The following MYRIP variants were observed in gnomAD, a reference collection of about 807,000 sequenced individuals.
The protein encoded by MYRIP is rab effector MyRIP.
A neutral mutation model predicts 98.0 loss-of-function variants in MYRIP; 49 were observed. The observed-to-expected ratio is 0.50, with a 90% confidence interval of 0.40 to 0.63. The LOEUF (loss-of-function observed/expected upper bound fraction) is 0.63, where lower values mean the gene tolerates loss of function less well. Among genes scored for constraint, MYRIP ranks in the 30% least tolerant of loss-of-function variants. MYRIP has a pLI of 0.00. For synonymous variants in MYRIP, 404 were observed against 409.5 expected (o/e 0.99, Z 0.16); for missense variants, 1,004 against 1,058.2 (o/e 0.95, Z 0.71).
rs1423361853 is a variant in MYRIP at position 40,258,674 on chromosome 3, T to C, written c.*508T>C. ...CTAAGGGAAAAGCAAGTCCCTGCAG[T>C]GAGCACTAGGGACAGTCTAATTTGG... On this transcript the variant is annotated 3_prime_UTR_variant, in exon 17 of 17. Coordinates refer to ENST00000302541, the MANE Select transcript of MYRIP (RefSeq NM_015460.4). The C allele has an allele frequency of 6.2e-6, 1 of 160,448 alleles. No individual in the cohort carries two copies. The highest frequency in any genetic ancestry group is 1.4e-5 in the Non-Finnish European group (1 of 72,114). 9.9% of individuals were successfully genotyped at this position (160,448 alleles called of 1,614,324 possible).
intron 11 of MYRIP, among the ~76,000 whole-genome samples, chr3:40,230,001 A>T (rs574260087): frequency 2.6e-5 from 4 of 152,266 alleles, no homozygotes; most frequent in East Asian, 1.9e-4. Context: ...TTTAATTTGT[A>T]TTTCTTTGCT....
intron 12 of MYRIP, among the ~76,000 whole-genome samples, chr3:40,243,651 A>G (rs1356901436): frequency 6.6e-6 from 1 of 152,160 alleles, no homozygotes; most frequent in Non-Finnish European, 1.5e-5. Flanking sequence ...TTGCTTCATC[A>G]CAGTATTGAT....
intron 2 of MYRIP, among the ~76,000 whole-genome samples, chr3:39,915,789 A>G (rs1575375506): frequency 6.6e-6 from 1 of 151,884 alleles, no homozygotes; most frequent in South Asian, 2.1e-4. Flanking sequence ...GAGACAGCCA[A>G]CCTTCCCAAG....
intron 3 of MYRIP, among the ~76,000 whole-genome samples, chr3:40,145,810 T>C (rs985831021): frequency 1.3e-5 from 2 of 152,174 alleles, no homozygotes; most frequent in African/African-American, 4.8e-5. Context: ...ACATAAAGCT[T>C]GCTGTGTCCA....
intron 2 of MYRIP, among the ~76,000 whole-genome samples, chr3:39,997,968 T>C (rs1203558807): frequency 6.6e-6 from 1 of 152,136 alleles, no homozygotes; most frequent in Non-Finnish European, 1.5e-5. Flanking sequence ...GAAAAGGCCT[T>C]CAACAAAATT....
At chr3:39,840,642 T>C (rs149109711) in intron 1 of MYRIP, among the ~76,000 whole-genome samples, 5,829 of 152,316 alleles carry the variant, frequency 0.038, 217 homozygotes, top group East Asian at 0.1. Context: ...CAGGAGCTCT[T>C]GTAAGGCAGG....
chr3:39,988,102 T>G (rs1459429966), intron 2 of MYRIP, among the ~76,000 whole-genome samples: 1 of 152,022 alleles, frequency 6.6e-6, no homozygotes, highest in Non-Finnish European at 1.5e-5. Flanking sequence ...TAGGTGGGAA[T>G]TGAACAATGA....
chr3:39,828,930 A>G (rs542427703), intron 1 of MYRIP, among the ~76,000 whole-genome samples: 12 of 152,306 alleles, frequency 7.9e-5, no homozygotes, highest in Middle Eastern at 3.4e-3. Flanking sequence ...TTGTGCTGCT[A>G]TGAACATGTG....
At chr3:39,809,521 C>T (rs1344053032), upstream of MYRIP, 1 of 148,636 alleles carries the variant, frequency 6.7e-6, no homozygotes, top group African/African-American at 2.4e-5. Flanking sequence ...CTGCACGCGC[C>T]CCCGCCCCGC....
intron 1 of MYRIP, among the ~76,000 whole-genome samples, chr3:39,827,947 A>G (rs4676450): frequency 0.23 from 35,107 of 151,768 alleles, 4,661 homozygotes; most frequent in Non-Finnish European, 0.3. Flanking sequence ...TTCTGTTGAG[A>G]AGTCTACTCT....
At chr3:40,197,204 C>T (rs1246189640) in intron 10 of MYRIP, among the ~76,000 whole-genome samples, 2 of 152,110 alleles carry the variant, frequency 1.3e-5, no homozygotes, top group Non-Finnish European at 2.9e-5. Context: ...GCACAAGTCT[C>T]GTCCCTCACA....
chr3:40,096,830 TAAC>T (rs1002172904), intron 3 of MYRIP, among the ~76,000 whole-genome samples: 24 of 152,166 alleles, frequency 1.6e-4, no homozygotes, highest in Non-Finnish European at 2.9e-4. Context: ...CCAGGCAAAA[TAAC>T]AACTGTAAGA....
At chr3:40,151,208 G>T (rs1482104358) in intron 4 of MYRIP, 24 bp downstream of exon 4, 1 of 1,580,278 alleles carries the variant, frequency 6.3e-7, no homozygotes, top group South Asian at 1.1e-5. Context: ...CTGCCGCTCT[G>T]GGAGTCTTTG....
At chr3:40,090,445 G>A (rs1948719757) in intron 3 of MYRIP, among the ~76,000 whole-genome samples, 1 of 152,190 alleles carries the variant, frequency 6.6e-6, no homozygotes, top group African/African-American at 2.4e-5. Context: ...TGACCATCTG[G>A]TGTGGGGTGT....
chr3:39,923,262 G>A (rs1944343905), intron 2 of MYRIP, among the ~76,000 whole-genome samples: 1 of 151,962 alleles, frequency 6.6e-6, no homozygotes, highest in Non-Finnish European at 1.5e-5. Flanking sequence ...AGGAGAAAGA[G>A]AGTTGAAAAA....
chr3:39,815,888 T>A (rs1450041701), intron 1 of MYRIP, among the ~76,000 whole-genome samples: 2 of 37,824 alleles, frequency 5.3e-5, no homozygotes, highest in Non-Finnish European at 1.2e-4. Flanking sequence ...TCTAATAGCG[T>A]TTTTTTTTTT....
chr3:39,915,410 C>T (rs1944129343), intron 2 of MYRIP, among the ~76,000 whole-genome samples: 2 of 151,908 alleles, frequency 1.3e-5, no homozygotes, highest in Non-Finnish European at 2.9e-5. Flanking sequence ...ATAAAATTCA[C>T]TCAAAAAATT....
At chr3:40,054,671 C>A (rs1223248695) in intron 3 of MYRIP, among the ~76,000 whole-genome samples, 1 of 152,146 alleles carries the variant, frequency 6.6e-6, no homozygotes, top group Non-Finnish European at 1.5e-5. Context: ...GCAACATCCA[C>A]TCTTCCCTGG....
chr3:40,191,842 A>C (rs1247639575), intron 10 of MYRIP, among the ~76,000 whole-genome samples: 1 of 152,112 alleles, frequency 6.6e-6, no homozygotes, highest in Non-Finnish European at 1.5e-5. Flanking sequence ...ACATGGAATG[A>C]TTTGCCTCAA....
Sources: gnomAD v4.1 joint callset for allele counts (sites outside exome capture counted in the v4.1 genomes callset) on GRCh38, gnomAD v4.1.1 for gene constraint, MANE v1.5 for transcripts, NCBI Gene and HGNC (gene_info 2026-07-23, HGNC 2026-07-21) for gene names.